PHKB: variants seen among roughly 807,000 people sequenced by gnomAD.
The protein encoded by PHKB is phosphorylase kinase regulatory subunit beta, also known as phosphorylase b kinase regulatory subunit beta.
PHKB carries 122 observed loss-of-function variants against 152.1 expected under a neutral mutation model. The ratio of observed to expected loss-of-function variants is 0.80; its 90% CI spans 0.69 to 0.93. The LOEUF is 0.93. Ranked by LOEUF, PHKB falls within the 40% of genes least tolerant of loss-of-function variation. The pLI is 0.00. For missense variants in PHKB, 1,304 were observed against 1,328.4 expected (o/e 0.98, Z 0.29); for synonymous variants, 436 against 464.9 (o/e 0.94, Z 0.80).
At position 47,552,073 on chromosome 16, in the gene PHKB, T is replaced by TAA. The variant is rs774871603; in HGVS notation, c.710+4526_710+4527insAA. On this transcript the variant is annotated intron_variant, in intron 7 of 30. Transcript: ENST00000323584. ...TTTTTCTTTCCATTTGCTTGGTAAA[T>TAA]ACTCCTCCATCCGTTTATTTTGAGC... is the stretch of plus-strand genomic sequence containing the variant. 1.9e-3 allele frequency among the ~76,000 whole-genome samples: 295 copies of TAA among 152,344 alleles called. 1 individual carries two copies. The highest frequency in any genetic ancestry group is 2.7e-3 in the Non-Finnish European group (181 of 68,036).
intron 1 of PHKB, chr16:47,464,080 T>C: frequency 2.2e-6 from 2 of 904,202 alleles, no homozygotes; most frequent in Non-Finnish European, 3.7e-6. Flanking sequence ...GATATCATTA[T>C]GTCTTTATTT....
Position 47,689,086 on chromosome 16 carries a change from A to T in PHKB, c.2676A>T (p.Gly892=). 6.2e-7 allele frequency: 1 copy of T among 1,614,040 alleles called. No homozygotes were observed. Among genetic ancestry groups the T allele is most frequent in the Non-Finnish European group, 8.5e-7 (1 of 1,179,950 alleles). ...AGTATGAACTTCAGATCCGTGGCGG[A>T]GACAAGCCAGCCTTGGACTTGTATC... ...AMEYELQIRG[G]DKPALDLYQL... The change falls in exon 27 of 31, where the codon GGA becomes GGT. Residue 892 remains glycine, a synonymous_variant. Transcript: ENST00000323584.
intron 25 of PHKB, chr16:47,665,831 T>G: frequency 1.3e-6 from 1 of 783,092 alleles, no homozygotes; most frequent in Non-Finnish European, 2.3e-6. Context: ...CTCCAAATGA[T>G]GATGTGAGGA....
At chr16:47,596,312 G>A in intron 12 of PHKB, 61 bp from the exon 13 acceptor site, 1 of 1,157,580 alleles carries the variant, frequency 8.6e-7, no homozygotes, top group Non-Finnish European at 1.3e-6. Context: ...TTTATTAGTA[G>A]CATGAGAATG....
intron 13 of PHKB, chr16:47,599,112 A>C (rs1597114410): frequency 3.9e-6 from 2 of 511,766 alleles, no homozygotes; most frequent in Non-Finnish European, 6.9e-6. Flanking sequence ...TAGCATAATT[A>C]CAAAGAAGCT....
At chr16:47,521,495 A>G (rs1353580696) in intron 6 of PHKB, among the ~76,000 whole-genome samples, 1 of 152,092 alleles carries the variant, frequency 6.6e-6, no homozygotes, top group African/African-American at 2.4e-5. Context: ...CTCTACTGAA[A>G]AATACAAAAA....
chr16:47,687,269 G>T (rs1176360060), intron 26 of PHKB, among the ~76,000 whole-genome samples: 1 of 152,136 alleles, frequency 6.6e-6, no homozygotes, highest in Non-Finnish European at 1.5e-5. Context: ...TTAAAGAAGA[G>T]GCCCACTGAG....
chr16:47,572,689 ACT>A (rs1971682508), intron 7 of PHKB, among the ~76,000 whole-genome samples: 1 of 152,014 alleles, frequency 6.6e-6, no homozygotes, highest in Non-Finnish European at 1.5e-5. Context: ...AGTGGCATAG[ACT>A]CTGTAAGATT....
intron 1 of PHKB, among the ~76,000 whole-genome samples, chr16:47,496,716 A>G (rs970361507): frequency 6.6e-6 from 1 of 152,214 alleles, no homozygotes; most frequent in African/African-American, 2.4e-5. Flanking sequence ...ACAATTTTCT[A>G]TATCCATTTT....
chr16:47,548,369 GAGGCCGAGGTGGGCAGATCATGAGGCC>G (rs879769176), intron 7 of PHKB, among the ~76,000 whole-genome samples: 17 of 152,276 alleles, frequency 1.1e-4, no homozygotes, highest in African/African-American at 2.4e-4. Context: ...GGCACTTTGG[GAGGCCGAGGTGGGCAGATCATGAGGCC>G]AGGAGTTTAA....
intron 11 of PHKB, 138 bp from the exon 12 acceptor site, chr16:47,593,999 T>A (rs960903186): frequency 3.3e-6 from 2 of 614,136 alleles, no homozygotes; most frequent in African/African-American, 3.7e-5. Context: ...TTTGCATTTT[T>A]TTTCCACTTT....
At chr16:47,467,488 T>C (rs1804241476) in intron 1 of PHKB, among the ~76,000 whole-genome samples, 1 of 152,222 alleles carries the variant, frequency 6.6e-6, no homozygotes, top group Non-Finnish European at 1.5e-5. Context: ...ATTTTACGTA[T>C]ACTTAAAAGA....
Position 47,515,523 on chromosome 16 carries a change from A to T in PHKB, c.516A>T (p.Ile172=). ...TTTAATGTTTCTGTTTGTTGCAGAT[A>T]AATGCAGTGTCACTTTATCTCCTTT... ...LSYEEYGHLQ[I]NAVSLYLLYL... The change falls in exon 6 of 31, where the codon ATA becomes ATT. Residue 172 remains isoleucine, a splice_region_variant and synonymous_variant. Transcript: ENST00000323584. The T allele has an allele frequency of 7.3e-7, 1 of 1,377,860 alleles. No individual in the cohort carries two copies. Among genetic ancestry groups the T allele is most frequent in the Non-Finnish European group, 1.0e-6 (1 of 964,964 alleles). 85.4% of individuals were successfully genotyped at this position (1,377,860 alleles called of 1,614,324 possible). A position where few individuals can be genotyped will look rare whatever the true frequency, so the allele number is the denominator to read the frequency against.
intron 5 of PHKB, 141 bp from the exon 6 acceptor site, chr16:47,515,380 A>G (rs1567287684): frequency 1.6e-6 from 1 of 643,760 alleles, no homozygotes; most frequent in Non-Finnish European, 2.8e-6. Flanking sequence ...TAAATTCACA[A>G]CACCTTTATT....
chr16:47,550,199 C>G (rs372041512), intron 7 of PHKB, among the ~76,000 whole-genome samples: 22 of 152,294 alleles, frequency 1.4e-4, no homozygotes, highest in East Asian at 9.6e-4. Context: ...TCCATGTGCT[C>G]ACGGAGGTAG....
At chr16:47,637,742 A>G (rs946241111) in intron 14 of PHKB, among the ~76,000 whole-genome samples, 3 of 152,144 alleles carry the variant, frequency 2.0e-5, no homozygotes, top group South Asian at 2.1e-4. Context: ...AAATGAAAGG[A>G]AAAAAATGGG....
At chr16:47,511,798 C>G (rs759720399) in intron 5 of PHKB, 26 bp downstream of exon 5, 2 of 1,349,194 alleles carry the variant, frequency 1.5e-6, no homozygotes, top group Non-Finnish European at 2.1e-6. Flanking sequence ...ACATTTTATT[C>G]TCCTTATATT....
chr16:47,572,565 C>T (rs1330890636), intron 7 of PHKB, among the ~76,000 whole-genome samples: 2 of 152,112 alleles, frequency 1.3e-5, no homozygotes, highest in Admixed American at 6.6e-5. Flanking sequence ...ATGGTTTGGT[C>T]CCTACTCTTA....
At chr16:47,662,003 T>C (rs1973453609) in intron 23 of PHKB, among the ~76,000 whole-genome samples, 1 of 152,242 alleles carries the variant, frequency 6.6e-6, no homozygotes, top group Non-Finnish European at 1.5e-5. Flanking sequence ...CTGGCTTTCA[T>C]GCAGTGATGC....
Sources: gnomAD v4.1 joint callset for allele counts (sites outside exome capture counted in the v4.1 genomes callset) on GRCh38, gnomAD v4.1.1 for gene constraint, MANE v1.5 for transcripts, NCBI Gene and HGNC (gene_info 2026-07-23, HGNC 2026-07-21) for gene names.